The following IDO2 variants were observed in gnomAD, a reference collection of about 807,000 sequenced individuals.
IDO2 encodes indoleamine 2,3-dioxygenase-like 1 protein.
Under a neutral mutation model 45.1 loss-of-function variants are expected in IDO2, and 46 were observed. The ratio of observed to expected loss-of-function variants is 1.02; its 90% CI spans 0.80 to 1.30. The LOEUF (loss-of-function observed/expected upper bound fraction) is 1.30. IDO2 is among the 50% of genes most tolerant of loss of function. IDO2 has a pLI of 0.00. For missense variants in IDO2, 544 were observed against 491.8 expected (o/e 1.11, Z -1.00); for synonymous variants, 218 against 184.9 (o/e 1.18, Z -1.45).
chr8:39,981,350 G>C, intron 4 of IDO2, among the ~76,000 whole-genome samples: 1 of 152,164 alleles, frequency 6.6e-6, no homozygotes, highest in East Asian at 1.9e-4. Flanking sequence ...GTGAGCCACC[G>C]TGCCCGGCGT....
intron 3 of IDO2, among the ~76,000 whole-genome samples, chr8:39,969,444 T>C (rs1404980488): frequency 6.6e-6 from 1 of 152,140 alleles, no homozygotes; most frequent in Non-Finnish European, 1.5e-5. Context: ...TGACCAGCCA[T>C]TGCCCCATCT....
chr8:39,943,008 G>A (rs1049089956), intron 1 of IDO2, among the ~76,000 whole-genome samples: 1 of 152,134 alleles, frequency 6.6e-6, no homozygotes, highest in Non-Finnish European at 1.5e-5. Context: ...CATTTAGGAG[G>A]CATAAGATGC....
intron 3 of IDO2, among the ~76,000 whole-genome samples, chr8:39,968,364 T>G (rs962616322): frequency 6.6e-6 from 1 of 151,744 alleles, no homozygotes; most frequent in African/African-American, 2.4e-5. Flanking sequence ...AGGTAAGGAG[T>G]GGGTAGTTGA....
At chr8:39,984,776 A>G (rs1034719000) in intron 5 of IDO2, among the ~76,000 whole-genome samples, 1 of 152,224 alleles carries the variant, frequency 6.6e-6, no homozygotes, top group Non-Finnish European at 1.5e-5. Flanking sequence ...GAGAAATGAC[A>G]TCAATGCAGG....
At chr8:39,954,748 C>T (rs1016138247) in intron 2 of IDO2, among the ~76,000 whole-genome samples, 1 of 150,292 alleles carries the variant, frequency 6.7e-6, no homozygotes, top group African/African-American at 2.5e-5. Flanking sequence ...CTTTGCCTCC[C>T]GGGTTCAAGC....
intron 8 of IDO2, among the ~76,000 whole-genome samples, chr8:40,001,298 A>G (rs538353797): frequency 4.7e-4 from 60 of 128,790 alleles, no homozygotes; most frequent in African/African-American, 1.8e-3. Context: ...GTTGCAGGCT[A>G]GAGTGCAGTG....
chr8:40,002,742 T>C (rs1309572010), intron 8 of IDO2, among the ~76,000 whole-genome samples: 3 of 152,152 alleles, frequency 2.0e-5, no homozygotes, highest in Non-Finnish European at 4.4e-5. Flanking sequence ...ATCATGCCAC[T>C]GTACTCCAGC....
intron 4 of IDO2, 81 bp downstream of exon 4, chr8:39,979,267 C>A: frequency 6.8e-7 from 1 of 1,473,710 alleles, no homozygotes; most frequent in Non-Finnish European, 9.1e-7. Context: ...TTGGTGCTAC[C>A]CTGTTTTCCT....
At chr8:39,944,244 T>C (rs1807698621) in intron 1 of IDO2, among the ~76,000 whole-genome samples, 1 of 147,426 alleles carries the variant, frequency 6.8e-6, no homozygotes, top group African/African-American at 2.5e-5. Flanking sequence ...CAGTGAGATC[T>C]ATGACCTGAA....
chr8:39,980,006 A>G (rs886893058), intron 4 of IDO2, among the ~76,000 whole-genome samples: 2 of 152,010 alleles, frequency 1.3e-5, no homozygotes, highest in Non-Finnish European at 2.9e-5. Flanking sequence ...AATTTTTTGT[A>G]GAGATGAGGG....
At position 39,982,555 on chromosome 8, in the gene IDO2, T is replaced by G. The variant is rs1808369922; in HGVS notation, c.316-97T>G. ...TCAAGCTTGGTTCCCAGATCATTTCTGTACCACAGGATTGCCGAAATAAAA... is the reference window on the plus strand; with the variant it reads ...TCAAGCTTGGTTCCCAGATCATTTCGGTACCACAGGATTGCCGAAATAAAA... On this transcript the variant is annotated intron_variant, in intron 4 of 10. Coordinates refer to ENST00000502986, the Ensembl canonical transcript of IDO2. 3 of 772,006 alleles carry G rather than the reference T, an allele frequency of 3.9e-6. No individual in the cohort carries two copies. The East Asian group carries it at 8.1e-5, about 21-fold the overall frequency. The allele number at this position is 772,006 out of a possible 1,614,324, so 47.8% of individuals were successfully genotyped here. A position where few individuals can be genotyped will look rare whatever the true frequency, so the allele number is the denominator to read the frequency against.
chr8:39,960,985 G>A (rs1005949253), intron 2 of IDO2, among the ~76,000 whole-genome samples: 3 of 152,016 alleles, frequency 2.0e-5, no homozygotes, highest in South Asian at 2.1e-4. Context: ...GGGTTTCACC[G>A]TGTTAGCCAG....
chr8:39,943,492 C>T (rs868116788), intron 1 of IDO2, among the ~76,000 whole-genome samples: 1 of 151,940 alleles, frequency 6.6e-6, no homozygotes, highest in Admixed American at 6.6e-5. Flanking sequence ...AATCCCAGCA[C>T]TCTAGGAGGC....
At chr8:39,971,679 A>G (rs1808182232) in intron 3 of IDO2, among the ~76,000 whole-genome samples, 1 of 152,254 alleles carries the variant, frequency 6.6e-6, no homozygotes, top group African/African-American at 2.4e-5. Context: ...ACCCTCATGG[A>G]TGACTTTGAG....
At chr8:40,004,362 A>T (rs563071966) in intron 8 of IDO2, among the ~76,000 whole-genome samples, 1 of 152,284 alleles carries the variant, frequency 6.6e-6, no homozygotes, top group Non-Finnish European at 1.5e-5. Context: ...TGGTATGGAG[A>T]TGTTATTATT....
chr8:39,940,759 G>T (rs945508633), intron 1 of IDO2, among the ~76,000 whole-genome samples: 3 of 151,374 alleles, frequency 2.0e-5, no homozygotes, highest in Non-Finnish European at 4.4e-5. Flanking sequence ...CCACCCTCTG[G>T]TAACCACTGT....
exon 8 of IDO2, chr8:39,989,734 C>A: frequency 6.3e-7 from 1 of 1,591,244 alleles, no homozygotes. Context: ...CTTGTTCAGG[C>A]CACGAATGCT....
chr8:39,939,974 A>T (rs2129592920), intron 1 of IDO2, among the ~76,000 whole-genome samples: 1 of 152,200 alleles, frequency 6.6e-6, no homozygotes, highest in Non-Finnish European at 1.5e-5. Flanking sequence ...AAGCCCTAAT[A>T]CCCCGACTGA....
chr8:39,989,245 G>C (rs891614331), intron 7 of IDO2, among the ~76,000 whole-genome samples: 1 of 151,970 alleles, frequency 6.6e-6, no homozygotes, highest in African/African-American at 2.4e-5. Flanking sequence ...GAACAGTATG[G>C]GAGAGCCCAC....
Sources: allele counts gnomAD v4.1 joint callset (sites outside exome capture counted in the v4.1 genomes callset), GRCh38; gene constraint gnomAD v4.1.1; transcripts MANE v1.5; gene names NCBI Gene and HGNC (gene_info 2026-07-23, HGNC 2026-07-21).